Variants in DEPDC1 observed in about 807,000 individuals in gnomAD.
The protein encoded by DEPDC1 is DEP domain-containing protein 1A.
DEPDC1 carries 66 observed loss-of-function variants against 86.8 expected under a neutral mutation model. The observed-to-expected ratio is 0.76, with a 90% CI of 0.62 to 0.93. The LOEUF is 0.93. Ranked by LOEUF, DEPDC1 falls within the 40% of genes least tolerant of loss-of-function variation. The pLI, the probability that DEPDC1 is intolerant of heterozygous loss-of-function variation, is 0.00. For missense variants in DEPDC1, 792 were observed against 935.7 expected, an observed-to-expected ratio of 0.85 and a Z score of 2.00; for synonymous variants, 255 against 314.9, an observed-to-expected ratio of 0.81 and a Z score of 2.02.
In DEPDC1 at chr1:68,482,286, A is replaced by T. The variant is rs1472277841; in HGVS notation, c.1522T>A (p.Cys508Ser). 2 of 1,612,752 alleles carry T rather than the reference A, an allele frequency of 1.2e-6. No individual in the cohort carries two copies. The highest frequency in any genetic ancestry group is 1.7e-6 in the Non-Finnish European group (2 of 1,179,206). ...CTTAAAAGCAAACTCTGAGACCTAC[A>T]AAGCTGTTTTGACTTGCATTTCCCA... is the stretch of plus-strand genomic sequence containing the variant. ...CNGKCKSKQL[C>S]RSQSLLLRSS... The change falls in exon 8 of 12, where the codon TGT becomes AGT. Residue 508 changes from cysteine (C) to serine (S), a missense_variant. Coordinates refer to ENST00000456315, the MANE Select transcript of DEPDC1 (RefSeq NM_001114120.3).
intron 11 of DEPDC1, 137 bp downstream of exon 11, chr1:68,477,650 C>A (rs754364151): frequency 2.0e-6 from 1 of 506,670 alleles, no homozygotes; most frequent in Non-Finnish European, 3.1e-6. Flanking sequence ...TACAAGACAT[C>A]ATAATATATA....
intron 2 of DEPDC1, among the ~76,000 whole-genome samples, chr1:68,493,880 G>A (rs1317693420): frequency 6.6e-6 from 1 of 151,988 alleles, no homozygotes; most frequent in East Asian, 1.9e-4. Flanking sequence ...TGTATTTTTA[G>A]TAGAGACGGG....
In DEPDC1 at chr1:68,476,168, T is replaced by C. The variant is rs533788792; in HGVS notation, c.*764A>G. The C allele has an allele frequency of 2.2e-4, 33 of 151,992 alleles. No homozygotes were observed. The highest frequency in any genetic ancestry group is 1.0e-3 in the South Asian group (5 of 4,830). The allele number at this position is 151,992 out of a possible 1,614,324, so 9.4% of individuals were successfully genotyped here. ...ATACCTTATGGAAGAGATTATATGT[T>C]TTATTTATCATTGTCTCTGCATATC... is the stretch of plus-strand genomic sequence containing the variant. On this transcript the variant is annotated 3_prime_UTR_variant, in exon 12 of 12. Coordinates refer to ENST00000456315, the MANE Select transcript of DEPDC1 (RefSeq NM_001114120.3).
rs1397608725 is a variant in DEPDC1 at position 68,476,700 on chromosome 1, T to C, written c.*232A>G. 9 of 353,972 alleles carry C rather than the reference T, an allele frequency of 2.5e-5. 1 individual carries two copies. The highest frequency in any genetic ancestry group is 8.5e-5 in the South Asian group (1 of 11,744). The allele number at this position is 353,972 out of a possible 1,614,324, so 21.9% of individuals were successfully genotyped here. On this transcript the variant is annotated 3_prime_UTR_variant, in exon 12 of 12. Transcript: ENST00000456315. The stretch of plus-strand genomic sequence containing the variant: ...CATCATGATAGCCTTACTGGATAGC[T>C]GTGTTAAAAACAAAAAGTATTTGGT...
rs1271071543 is a variant in DEPDC1, at chr1:68,488,513, A to G, written c.591-9T>C. ...CTAAAATGGTTTGCAGGCTAAATAG[A>G]AGAAAGAATATTAACTTTTTTTCTT... On this transcript the variant is annotated splice_polypyrimidine_tract_variant and intron_variant, in intron 4 of 11. Coordinates refer to ENST00000456315, the MANE Select transcript of DEPDC1 (RefSeq NM_001114120.3). 1.1e-5 allele frequency: 18 copies of G among 1,595,554 alleles called. No homozygotes were observed. Among genetic ancestry groups the G allele is most frequent in the Non-Finnish European group, 1.7e-6 (2 of 1,172,838 alleles).
chr1:68,484,321 A>G (rs919845337), intron 6 of DEPDC1, among the ~76,000 whole-genome samples: 2 of 152,070 alleles, frequency 1.3e-5, no homozygotes, highest in Non-Finnish European at 2.9e-5. Flanking sequence ...AAAATCATAC[A>G]TAAAGCAAAA....
intron 7 of DEPDC1, 59 bp downstream of exon 7, chr1:68,483,891 T>C (rs1354161382): frequency 1.8e-6 from 2 of 1,127,100 alleles, no homozygotes; most frequent in Non-Finnish European, 2.4e-6. Context: ...ATCTTCTAAA[T>C]TATAAGAAAG....
Position 68,482,139 on chromosome 1 carries a change from T to C in DEPDC1, c.1669A>G (p.Ser557Gly). The C allele has an allele frequency of 6.2e-7, 1 of 1,612,836 alleles. No homozygotes were observed. Among genetic ancestry groups the C allele is most frequent in the African/African-American group, 1.3e-5 (1 of 74,986 alleles). ...TAMESELGES[S>G]ATINKRLCKS... Reference sequence around the variant, plus strand: ...CAGAGTCTTTTATTGATTGTGGCACTAGACTCTCCGAGTTCACTTTCCATA... The same window carrying C: ...CAGAGTCTTTTATTGATTGTGGCACCAGACTCTCCGAGTTCACTTTCCATA... Residue 557 changes from serine (S) to glycine (G), a missense_variant, in exon 8 of 12, where the codon AGT becomes GGT. Transcript: ENST00000456315.
chr1:68,496,007 T>A lies in DEPDC1; in HGVS notation c.48+945A>T, dbSNP rs1646262345. 1.3e-5 allele frequency among the ~76,000 whole-genome samples: 2 copies of A among 152,132 alleles called. No homozygotes were observed. Among genetic ancestry groups the A allele is most frequent in the Admixed American group, 6.6e-5 (1 of 15,264 alleles). On this transcript the variant is annotated intron_variant, in intron 1 of 11. Coordinates refer to ENST00000456315, the MANE Select transcript of DEPDC1 (RefSeq NM_001114120.3). The surrounding 1 kb of genome is among the most constrained non-coding windows in gnomAD (Gnocchi z 4.0). The stretch of plus-strand genomic sequence containing the variant: ...ATATTGGTAAATATAGCCAATAACT[T>A]ACTAAGTAGCAGAATCCATGTAAGA...
At chr1:68,484,941 T>C (rs907425523) in intron 6 of DEPDC1, among the ~76,000 whole-genome samples, 1 of 150,840 alleles carries the variant, frequency 6.6e-6, no homozygotes, top group Admixed American at 6.6e-5. Context: ...TGGAGGCATA[T>C]ATATATATAT....
rs1454432467 is a variant in DEPDC1 at position 68,477,811 on chromosome 1, C to A, written c.2274G>T (p.Lys758Asn). The change falls in exon 11 of 12, where the codon AAG becomes AAT. Residue 758 changes from lysine to asparagine, a missense_variant. Lys to Asn is a moderately conservative substitution (Grantham distance 94, BLOSUM62 0). Coordinates refer to ENST00000456315, the MANE Select transcript of DEPDC1 (RefSeq NM_001114120.3). ...CCTGTTTTAGTTTTTTTCTTTTCTC[C>A]TTTAGAGGTAAACTCCTGTTTTTAA... ...NIIKNRSLPL[K>N]EKRKKLKQFQ... The A allele has an allele frequency of 9.1e-6, 14 of 1,532,136 alleles. No homozygotes were observed. The highest frequency in any genetic ancestry group is 1.2e-5 in the Non-Finnish European group (14 of 1,139,498). The allele number at this position is 1,532,136 out of a possible 1,614,324, so 94.9% of individuals were successfully genotyped here.
Position 68,497,041 on chromosome 1 carries a change from A to T in DEPDC1, c.-42T>A. On this transcript the variant is annotated 5_prime_UTR_variant, in exon 1 of 12. Coordinates refer to ENST00000456315, the MANE Select transcript of DEPDC1 (RefSeq NM_001114120.3). Reference sequence around the variant, plus strand: ...GGTGGCGTCCATGGCGGCGAAGGCGACACTCAGGCCCAGCGGCCGCGGCAG... The same window carrying T: ...GGTGGCGTCCATGGCGGCGAAGGCGTCACTCAGGCCCAGCGGCCGCGGCAG... The T allele has an allele frequency of 6.2e-7, 1 of 1,606,856 alleles. No homozygotes were observed. The highest frequency in any genetic ancestry group is 8.5e-7 in the Non-Finnish European group (1 of 1,175,258).
In DEPDC1 at chr1:68,488,458, G is replaced by A. The variant is rs755467472; in HGVS notation, c.637C>T (p.Pro213Ser). ...ATATATTGGGGAATTACTTGTTTTG[G>A]ATTTATGACTTCTTCTAGGGATGGC... ...GVPSLEEVIN[P>S]KQVIPQYIMY... Residue 213 changes from proline (P) to serine (S), a missense_variant, in exon 5 of 12, where the codon CCA (proline) becomes TCA (serine). Pro to Ser is a moderately conservative substitution (Grantham distance 74). Coordinates refer to ENST00000456315, the MANE Select transcript of DEPDC1 (RefSeq NM_001114120.3). 4.4e-6 allele frequency: 7 copies of A among 1,606,146 alleles called. No individual in the cohort carries two copies. Among genetic ancestry groups the A allele is most frequent in the South Asian group, 2.2e-5 (2 of 89,718 alleles).
Position 68,489,589 on chromosome 1 carries a change from G to A in DEPDC1, c.334C>T (p.Leu112Phe), listed in dbSNP as rs756086418. The change falls in exon 3 of 12, where the codon CTT (leucine) becomes TTT (phenylalanine). Residue 112 changes from leucine (L) to phenylalanine (F), a missense_variant. Leu to Phe is a conservative substitution (Grantham distance 22). Transcript: ENST00000456315. ...QLFRFPATSP[L>F]KTLPRRYPEL... is the part of the protein sequence containing the mutation. ...GGATACCTTCGTGGTAGAGTTTTAA[G>A]TGGCGAAGTTGCAGGAAATCTGGTT... The A allele has an allele frequency of 1.3e-6, 2 of 1,536,936 alleles. No individual in the cohort carries two copies. The highest frequency in any genetic ancestry group is 2.4e-5 in the Admixed American group (1 of 41,722).
Position 68,496,845 on chromosome 1 carries a change from C to G in DEPDC1, c.48+107G>C. 9.2e-7 allele frequency: 1 copy of G among 1,090,404 alleles called. No individual in the cohort carries two copies. The highest frequency in any genetic ancestry group is 1.4e-6 in the Non-Finnish European group (1 of 732,312). 67.5% of individuals were successfully genotyped at this position (1,090,404 alleles called of 1,614,324 possible). A position where few individuals can be genotyped will look rare whatever the true frequency, so the allele number is the denominator to read the frequency against. ...TTCACTGAACCTAGGGATCCTGGGACTCATCCCTCCGACCGAGGTAAAACT... is the reference window on the plus strand; with the variant it reads ...TTCACTGAACCTAGGGATCCTGGGAGTCATCCCTCCGACCGAGGTAAAACT... On this transcript the variant is annotated intron_variant, in intron 1 of 11. Transcript: ENST00000456315. The surrounding 1 kb of genome is among the most constrained non-coding windows in gnomAD (Gnocchi z 4.0).
chr1:68,481,812 T>C, intron 8 of DEPDC1, 200 bp from the exon 9 acceptor site: 2 of 620,890 alleles, frequency 3.2e-6, no homozygotes, highest in Non-Finnish European at 5.1e-6. Flanking sequence ...ATTAAAATTC[T>C]TCACTTATTA....
intron 9 of DEPDC1, among the ~76,000 whole-genome samples, chr1:68,480,507 G>A (rs1646148344): frequency 6.6e-6 from 1 of 151,780 alleles, no homozygotes; most frequent in Non-Finnish European, 1.5e-5. Context: ...CTATCCCTAT[G>A]TAAATGACCA....
rs1397442443 is a variant in DEPDC1 at position 68,479,615 on chromosome 1, C to G, written c.1936-295G>C. On this transcript the variant is annotated intron_variant, in intron 9 of 11. Coordinates refer to ENST00000456315, the MANE Select transcript of DEPDC1 (RefSeq NM_001114120.3). ...GCAAGGAGTTCGAAGCCAGCCTAGGCAACATAGTGAAACCCTATACCTATG... is the reference window on the plus strand; with the variant it reads ...GCAAGGAGTTCGAAGCCAGCCTAGGGAACATAGTGAAACCCTATACCTATG... 2.6e-5 allele frequency among the ~76,000 whole-genome samples: 4 copies of G among 151,806 alleles called. No individual in the cohort carries two copies. The East Asian group carries it at 7.7e-4, about 29-fold the overall frequency.
At chr1:68,478,967 T>G (rs943709863) in intron 10 of DEPDC1, among the ~76,000 whole-genome samples, 177 bp downstream of exon 10, 1 of 151,914 alleles carries the variant, frequency 6.6e-6, no homozygotes, top group African/African-American at 2.4e-5. Context: ...AAATAAGAGA[T>G]GGAGGGATGG....
Sources: gnomAD v4.1 joint callset for allele counts (sites outside exome capture counted in the v4.1 genomes callset) on GRCh38, gnomAD v4.1.1 for gene constraint, Gnocchi (gnomAD v3.1) non-coding constraint, MANE v1.5 for transcripts, NCBI Gene and HGNC (gene_info 2026-07-23, HGNC 2026-07-21) for gene names.